MYO3A: variants seen among roughly 807,000 people sequenced by gnomAD.
MYO3A encodes myosin IIIA, also known as myosin-IIIa.
Under a neutral mutation model 192.7 loss-of-function variants are expected in MYO3A, and 180 were observed. The ratio of observed to expected loss-of-function variants is 0.93; its 90% CI spans 0.83 to 1.06. The LOEUF (loss-of-function observed/expected upper bound fraction) is 1.06, where lower values mean the gene tolerates loss of function less well. MYO3A is among the 50% of genes least tolerant of loss of function. The pLI, the probability that MYO3A is intolerant of heterozygous loss-of-function variation, is 0.00. For synonymous variants in MYO3A, 628 were observed against 645.3 expected (o/e 0.97, Z 0.41); for missense variants, 1,896 against 1,905.0 (o/e 1.00, Z 0.09).
In MYO3A at chr10:26,068,812, G is replaced by C; in HGVS notation, c.1098G>C (p.Gln366His). ...TTGAGAAGTGTTATTCCAGAGATCA[G>C]ATCTACGTCTATGTGGGAGACATAC... ...EQLEKCYSRD[Q>H]IYVYVGDILI... Residue 366 changes from glutamine to histidine, a missense_variant, in exon 12 of 35, where the codon CAG (glutamine) becomes CAC (histidine). By Grantham distance (24) the Gln-to-His change is conservative. Transcript: ENST00000642920. 6.3e-7 allele frequency: 1 copy of C among 1,598,774 alleles called. No individual in the cohort carries two copies. Among genetic ancestry groups the C allele is most frequent in the South Asian group, 1.1e-5 (1 of 90,814 alleles).
chr10:26,101,837 CT>C (rs1837475446), intron 17 of MYO3A, among the ~76,000 whole-genome samples: 1 of 152,118 alleles, frequency 6.6e-6, no homozygotes, highest in Admixed American at 6.5e-5. Flanking sequence ...ATATTTTTTC[CT>C]TCATTTCAAC....
intron 15 of MYO3A, among the ~76,000 whole-genome samples, chr10:26,095,318 C>T (rs1438051252): frequency 1.3e-5 from 2 of 152,160 alleles, no homozygotes; most frequent in Non-Finnish European, 2.9e-5. Flanking sequence ...TCCTACTCTG[C>T]CCCAACCCCA....
intron 10 of MYO3A, among the ~76,000 whole-genome samples, chr10:26,051,801 A>G (rs1844022217): frequency 6.6e-6 from 1 of 152,102 alleles, no homozygotes; most frequent in Admixed American, 6.5e-5. Context: ...GAACACAGCT[A>G]TGCTTATCCA....
intron 2 of MYO3A, among the ~76,000 whole-genome samples, chr10:25,948,168 A>G (rs1354951118): frequency 6.6e-6 from 1 of 152,222 alleles, no homozygotes; most frequent in African/African-American, 2.4e-5. Context: ...GGGAACACAG[A>G]TAACCCAATG....
At chr10:25,944,454 A>G (rs1836704505) in intron 2 of MYO3A, among the ~76,000 whole-genome samples, 1 of 151,986 alleles carries the variant, frequency 6.6e-6, no homozygotes, top group African/African-American at 2.4e-5. Context: ...TATTTTTGGA[A>G]GAGTTTGAGA....
rs1224699996 is a variant in MYO3A, at chr10:26,120,805, A to G, written c.1903+3A>G. The G allele has an allele frequency of 6.2e-7, 1 of 1,613,874 alleles. No homozygotes were observed. The highest frequency in any genetic ancestry group is 1.3e-5 in the African/African-American group (1 of 74,916). Reference sequence around the variant, plus strand: ...TAATCATACAGCCCTGGAGAACTGTAAGTTTTATTACCTTCTATTCAAAAC... The same window carrying G: ...TAATCATACAGCCCTGGAGAACTGTGAGTTTTATTACCTTCTATTCAAAAC... On this transcript the variant is annotated splice_donor_region_variant and intron_variant, in intron 18 of 34. Transcript: ENST00000642920.
intron 7 of MYO3A, among the ~76,000 whole-genome samples, chr10:26,018,104 A>T (rs1231149531): frequency 6.6e-6 from 1 of 151,534 alleles, no homozygotes; most frequent in Admixed American, 6.6e-5. Flanking sequence ...TCCATTTAGT[A>T]AAAACACTTA....
At chr10:25,953,375 A>G (rs140777405) in intron 3 of MYO3A, among the ~76,000 whole-genome samples, 52 of 152,144 alleles carry the variant, frequency 3.4e-4, no homozygotes, top group African/African-American at 1.2e-3. Flanking sequence ...GGGGAGGTTT[A>G]TTTTAAAGCA....
At chr10:26,033,178 A>G (rs1253339744) in intron 10 of MYO3A, among the ~76,000 whole-genome samples, 1 of 152,092 alleles carries the variant, frequency 6.6e-6, no homozygotes, top group Non-Finnish European at 1.5e-5. Context: ...GGTTCCAGCG[A>G]TTCTCCTGCT....
intron 7 of MYO3A, among the ~76,000 whole-genome samples, chr10:26,019,312 G>A (rs534047817): frequency 2.6e-5 from 4 of 151,890 alleles, no homozygotes; most frequent in African/African-American, 9.7e-5. Context: ...AGGCTGGAGT[G>A]CAGTGGCGCA....
intron 14 of MYO3A, among the ~76,000 whole-genome samples, chr10:26,073,651 ATAAT>A: frequency 2.3e-5 from 1 of 43,594 alleles, no homozygotes; most frequent in South Asian, 7.8e-4. Context: ...AATAATAATG[ATAAT>A]AAATAAATAA....
intron 10 of MYO3A, among the ~76,000 whole-genome samples, chr10:26,026,813 T>C (rs1842571134): frequency 6.6e-6 from 1 of 152,132 alleles, no homozygotes; most frequent in Non-Finnish European, 1.5e-5. Flanking sequence ...GCGATTCTCC[T>C]GCCTCAGCCT....
chr10:26,074,748 A>C (rs1037685377), intron 14 of MYO3A, among the ~76,000 whole-genome samples: 2 of 151,616 alleles, frequency 1.3e-5, no homozygotes, highest in African/African-American at 4.8e-5. Context: ...ACTCTGACAT[A>C]GTCTTATTTT....
chr10:26,032,583 T>A (rs1842850568), intron 10 of MYO3A, among the ~76,000 whole-genome samples: 1 of 150,782 alleles, frequency 6.6e-6, no homozygotes, highest in South Asian at 2.1e-4. Flanking sequence ...GCCATTGCAC[T>A]CCAGCCCGGG....
rs540974611 is a variant in MYO3A at position 26,076,368 on chromosome 10, G to C, written c.1359+5967G>C. Among the ~76,000 whole-genome samples, 3 of 151,996 alleles carry C rather than the reference G, an allele frequency of 2.0e-5. No individual in the cohort carries two copies. The South Asian group carries it at 6.2e-4, about 32-fold the overall frequency. ...TTGTTTGTTTTTTTCTTACTGATTT[G>C]TTTGAGTTCATTGTAGATTTTGGTT... On this transcript the variant is annotated intron_variant, in intron 14 of 34. Coordinates refer to ENST00000642920, the MANE Select transcript of MYO3A (RefSeq NM_017433.5).
intron 10 of MYO3A, among the ~76,000 whole-genome samples, chr10:26,038,167 A>G (rs945623641): frequency 2.0e-5 from 3 of 152,002 alleles, no homozygotes; most frequent in Non-Finnish European, 4.4e-5. Flanking sequence ...TTTGCTTATG[A>G]TGGCTTTGGC....
chr10:26,140,346 C>A (rs538430969), intron 20 of MYO3A, among the ~76,000 whole-genome samples: 1 of 152,232 alleles, frequency 6.6e-6, no homozygotes, highest in African/African-American at 2.4e-5. Context: ...GTGGGCTTTC[C>A]TGCCACTGTG....
At chr10:26,103,745 A>T (rs1006615289) in intron 17 of MYO3A, among the ~76,000 whole-genome samples, 2 of 152,180 alleles carry the variant, frequency 1.3e-5, no homozygotes, top group African/African-American at 4.8e-5. Flanking sequence ...CTCTTTGTTT[A>T]ACCTTTTCAC....
chr10:26,033,478 A>T (rs1307369476), intron 10 of MYO3A, among the ~76,000 whole-genome samples: 1 of 152,128 alleles, frequency 6.6e-6, no homozygotes, highest in African/African-American at 2.4e-5. Flanking sequence ...TTTCATTTTT[A>T]GTCCAAACCA....
Sources: allele counts gnomAD v4.1 joint callset (sites outside exome capture counted in the v4.1 genomes callset), GRCh38; gene constraint gnomAD v4.1.1; transcripts MANE v1.5; gene names NCBI Gene and HGNC (gene_info 2026-07-23, HGNC 2026-07-21).